LATS2: variants seen among roughly 807,000 people sequenced by gnomAD.
LATS2 encodes large tumor suppressor kinase 2, also known as serine/threonine-protein kinase LATS2.
In LATS2, 24 loss-of-function variants were observed where a neutral mutation model predicts 76.0. The ratio of observed to expected loss-of-function variants is 0.32; its 90% CI spans 0.23 to 0.44. The LOEUF (loss-of-function observed/expected upper bound fraction) is 0.44, where lower values mean the gene tolerates loss of function less well. Among genes scored for constraint, LATS2 ranks in the 20% least tolerant of loss-of-function variants. LATS2 has a pLI of 1.00. For missense variants in LATS2, 1,286 were observed against 1,481.2 expected, an observed-to-expected ratio of 0.87 and a Z score of 2.16; for synonymous variants, 692 against 635.4, an observed-to-expected ratio of 1.09 and a Z score of -1.34.
rs148908674 is a variant in LATS2 at position 21,002,996 on chromosome 13, C to A, written c.343-11592G>T. Among the ~76,000 whole-genome samples, 184 of 152,298 alleles carry A rather than the reference C, an allele frequency of 1.2e-3. 1 individual carries two copies. Among genetic ancestry groups the A allele is most frequent in the African/African-American group, 4.0e-3 (167 of 41,560 alleles). On this transcript the variant is annotated intron_variant, in intron 2 of 7. Transcript: ENST00000382592. ...GGGATTATAGGCATGAGTCACTGCA[C>A]CTGGCCTATTTTATCTTAAAATTTG...
intron 5 of LATS2, among the ~76,000 whole-genome samples, chr13:20,982,875 C>T (rs1172642783): frequency 3.3e-5 from 5 of 150,852 alleles, no homozygotes; most frequent in African/African-American, 9.7e-5. Context: ...ACTGTAATCC[C>T]GGCTACTCGG....
Position 20,981,589 on chromosome 13 carries a change from A to G in LATS2, c.2542T>C (p.Cys848Arg). The G allele has an allele frequency of 6.2e-7, 1 of 1,614,190 alleles. No homozygotes were observed. Among genetic ancestry groups the G allele is most frequent in the South Asian group, 1.1e-5 (1 of 91,078 alleles). The change falls in exon 6 of 8, where the codon TGT (cysteine) becomes CGT (arginine). Residue 848 changes from cysteine (C) to arginine (R), a missense_variant. This residue lies in a region of LATS2 where 247 missense variants were observed against 385.4 expected (regional missense o/e 0.64). Transcript: ENST00000382592. ...PSDLWDDVSN[C>R]RCGDRLKTLE... is the part of the protein sequence containing the mutation. ...GTCTTCAGCCTGTCCCCACACCGACAGTTAGACACATCATCCCAGAGGTCG... is the reference window on the plus strand; with the variant it reads ...GTCTTCAGCCTGTCCCCACACCGACGGTTAGACACATCATCCCAGAGGTCG...
At position 21,026,478 on chromosome 13, in the gene LATS2, T is replaced by C. The variant is rs1265424015; in HGVS notation, c.342+19207A>G. The stretch of plus-strand genomic sequence containing the variant: ...TGTTTTGGTTGGTAGCATTCTATTG[T>C]AGGGATGTGCCAAAATTCATCCATT... On this transcript the variant is annotated intron_variant, in intron 2 of 7. Coordinates refer to ENST00000382592, the MANE Select transcript of LATS2 (RefSeq NM_014572.3). Among the ~76,000 whole-genome samples, 8 of 152,360 alleles carry C rather than the reference T, an allele frequency of 5.3e-5. No homozygotes were observed. In the East Asian group the frequency reaches 5.8e-4, roughly 11 times the overall value.
chr13:21,020,563 G>A (rs1202314048), intron 2 of LATS2, among the ~76,000 whole-genome samples: 1 of 152,180 alleles, frequency 6.6e-6, no homozygotes, highest in East Asian at 1.9e-4. Flanking sequence ...TTCCTCTCGA[G>A]TACAGCTAGA....
chr13:20,986,433 C>G (rs1046347621), intron 4 of LATS2, among the ~76,000 whole-genome samples: 8 of 152,130 alleles, frequency 5.3e-5, no homozygotes, highest in Non-Finnish European at 8.8e-5. Flanking sequence ...GGATACTATT[C>G]AGCCATAAAA....
chr13:21,036,069 T>C (rs1872675680), intron 2 of LATS2, among the ~76,000 whole-genome samples: 1 of 152,164 alleles, frequency 6.6e-6, no homozygotes, highest in African/African-American at 2.4e-5. Flanking sequence ...TGGATAATTT[T>C]TGTATTTTTA....
At position 20,988,617 on chromosome 13, in the gene LATS2, G is replaced by A. The variant is rs12867400; in HGVS notation, c.1163C>T (p.Ala388Val). The stretch of plus-strand genomic sequence containing the variant: ...GAAGGCCACGTGCGCGCGCGGCGGC[G>A]CCTCCAGGCCCGGCTTCTGCAGGGA... The part of the protein sequence containing the change: ...RDSLQKPGLE[A>V]PPRAHVAFRP... The change falls in exon 4 of 8, where the codon GCG becomes GTG. Residue 388 changes from alanine to valine, a missense_variant. Physicochemically the swap from Ala to Val is moderately conservative, Grantham distance 64. Coordinates refer to ENST00000382592, the MANE Select transcript of LATS2 (RefSeq NM_014572.3). 1.6e-4 allele frequency: 258 copies of A among 1,588,276 alleles called. No individual in the cohort carries two copies. The highest frequency in any genetic ancestry group is 2.0e-4 in the Non-Finnish European group (240 of 1,175,522).
chr13:21,050,689 G>A (rs908605613), intron 1 of LATS2, among the ~76,000 whole-genome samples: 3 of 152,206 alleles, frequency 2.0e-5, no homozygotes, highest in Non-Finnish European at 2.9e-5. Flanking sequence ...CATGGCTCCA[G>A]GCCCAGAGCT....
At chr13:21,050,798 T>C (rs1416754845) in intron 1 of LATS2, among the ~76,000 whole-genome samples, 1 of 152,228 alleles carries the variant, frequency 6.6e-6, no homozygotes, top group African/African-American at 2.4e-5. Flanking sequence ...GGAGAGACTG[T>C]AAAAAGGCAC....
In LATS2 at chr13:20,975,069, T is replaced by C. The variant is rs1869535460; in HGVS notation, c.3068A>G (p.Asp1023Gly). 1 of 1,614,112 alleles carries C rather than the reference T, an allele frequency of 6.2e-7. No homozygotes were observed. Among genetic ancestry groups the C allele is most frequent in the African/African-American group, 1.3e-5 (1 of 74,932 alleles). ...DASEGSTKAW[D>G]TLTSPNNKHP... ...CTTGTTATTGGGCGAGGTGAGTGTGTCCCAGGCCTTGGTGCTACCTTCGCT... is the reference window on the plus strand; with the variant it reads ...CTTGTTATTGGGCGAGGTGAGTGTGCCCCAGGCCTTGGTGCTACCTTCGCT... The change falls in exon 8 of 8, where the codon GAC (aspartate) becomes GGC (glycine). Residue 1023 changes from aspartate to glycine, a missense_variant. Coordinates refer to ENST00000382592, the MANE Select transcript of LATS2 (RefSeq NM_014572.3).
Position 20,975,231 on chromosome 13 carries a change from G to A in LATS2, c.2906C>T (p.Ala969Val), listed in dbSNP as rs777868701. ...LGRNGADDLK[A>V]HPFFSAIDFS... is the part of the protein sequence containing the mutation. ...GTCAATGGCGCTGAAGAAGGGGTGG[G>A]CCTTCAGGTCATCGGCCCCATTCCG... Residue 969 changes from alanine to valine, a missense_variant, in exon 8 of 8, where the codon GCC becomes GTC. By Grantham distance (64) the Ala-to-Val change is moderately conservative. Transcript: ENST00000382592. The A allele has an allele frequency of 1.2e-6, 2 of 1,614,202 alleles. No individual in the cohort carries two copies. Among genetic ancestry groups the A allele is most frequent in the Admixed American group, 1.7e-5 (1 of 60,026 alleles).
chr13:21,054,444 G>A (rs989026365), intron 1 of LATS2, among the ~76,000 whole-genome samples: 1 of 152,068 alleles, frequency 6.6e-6, no homozygotes, highest in African/African-American at 2.4e-5. Flanking sequence ...AATAAACATA[G>A]CTACACAATG....
Position 21,037,519 on chromosome 13 carries a change from C to T in LATS2, c.342+8166G>A, listed in dbSNP as rs979255102. Among the ~76,000 whole-genome samples the T allele has an allele frequency of 6.6e-5, 10 of 152,334 alleles. No individual in the cohort carries two copies. In the East Asian group the frequency reaches 1.2e-3, roughly 18 times the overall value. On this transcript the variant is annotated intron_variant, in intron 2 of 7. Transcript: ENST00000382592. ...TGTTAGGTGTTTTTGAGAGCTTGCA[C>T]AGTTCTGGGTCTTAGAAAGTGGCGA...
intron 2 of LATS2, among the ~76,000 whole-genome samples, chr13:20,997,792 G>A (rs762867365): frequency 3.9e-5 from 6 of 152,224 alleles, no homozygotes. Context: ...GGCTTGCAAT[G>A]TCTAAGCAGC....
intron 1 of LATS2, among the ~76,000 whole-genome samples, chr13:21,054,897 C>T (rs1015345285): frequency 1.2e-4 from 18 of 152,210 alleles, no homozygotes; most frequent in African/African-American, 4.3e-4. Context: ...GAGGACCCCA[C>T]AAGCTGTTCT....
At chr13:21,006,478 C>T (rs1462535932) in intron 2 of LATS2, among the ~76,000 whole-genome samples, 1 of 152,142 alleles carries the variant, frequency 6.6e-6, no homozygotes, top group Non-Finnish European at 1.5e-5. Flanking sequence ...CTAACTTGTG[C>T]CACAATTGAG....
At chr13:21,021,967 T>C (rs548611782) in intron 2 of LATS2, among the ~76,000 whole-genome samples, 1 of 152,322 alleles carries the variant, frequency 6.6e-6, no homozygotes, top group East Asian at 1.9e-4. Flanking sequence ...GTTTCCACAC[T>C]TTCTTCGTTA....
chr13:21,007,493 C>A (rs1871301636), intron 2 of LATS2, among the ~76,000 whole-genome samples: 1 of 114,424 alleles, frequency 8.7e-6, no homozygotes, highest in Non-Finnish European at 1.8e-5. Context: ...CCAATCAGAG[C>A]CAAGGATAAG....
At position 20,991,534 on chromosome 13, in the gene LATS2, G is replaced by A. The variant is rs1870506628; in HGVS notation, c.343-130C>T. The A allele has an allele frequency of 7.9e-6, 8 of 1,011,004 alleles. No homozygotes were observed. Among genetic ancestry groups the A allele is most frequent in the Non-Finnish European group, 1.2e-5 (8 of 689,066 alleles). 62.6% of individuals were successfully genotyped at this position (1,011,004 alleles called of 1,614,324 possible). A position where few individuals can be genotyped will look rare whatever the true frequency, so the allele number is the denominator to read the frequency against. ...CTGTACTGCTGAGAACCTGCGATAT[G>A]CTGCAGGAGACCCTCAGAATGAGTG... On this transcript the variant is annotated intron_variant, in intron 2 of 7. Transcript: ENST00000382592. This position sits in a 1 kb window ranked among gnomAD's most constrained non-coding sequence, Gnocchi z 4.9.
Sources: allele counts gnomAD v4.1 joint callset (sites outside exome capture counted in the v4.1 genomes callset), GRCh38; gene constraint gnomAD v4.1.1; regional missense constraint gnomAD v4.1.1; non-coding constraint Gnocchi (gnomAD v3.1); transcripts MANE v1.5; gene names NCBI Gene and HGNC (gene_info 2026-07-23, HGNC 2026-07-21).